The following CSTPP1 variants were observed in gnomAD, a reference collection of about 807,000 sequenced individuals.
CSTPP1 encodes the protein UPF0705 protein C11orf49.
At chr11:47,032,823 G>A in the CSTPP1 span, among the ~76,000 whole-genome samples, 328 of 152,134 alleles carry the variant, frequency 2.2e-3, no homozygotes, top group African/African-American at 7.6e-3. Flanking sequence ...TACAGGTGCC[G>A]ACCTCTCCTC....
chr11:47,090,912 GC>G, the CSTPP1 span, among the ~76,000 whole-genome samples: 1 of 149,874 alleles, frequency 6.7e-6, no homozygotes, highest in Non-Finnish European at 1.5e-5. Flanking sequence ...GGTGGCGGGC[GC>G]CTGTGGTCCC....
the CSTPP1 span, among the ~76,000 whole-genome samples, chr11:47,036,263 A>T: frequency 5.6e-4 from 18 of 32,402 alleles, 1 homozygote; most frequent in African/African-American, 2.1e-3. Context: ...ATATTATATA[A>T]TATATATATT....
chr11:47,073,978 CA>C, the CSTPP1 span, among the ~76,000 whole-genome samples: 1 of 152,184 alleles, frequency 6.6e-6, no homozygotes, highest in Admixed American at 6.5e-5. Flanking sequence ...TCAAGTCAAA[CA>C]GTGGCTTTTC....
At chr11:47,148,403 T>C in the CSTPP1 span, among the ~76,000 whole-genome samples, 1 of 150,680 alleles carries the variant, frequency 6.6e-6, no homozygotes, top group Admixed American at 6.6e-5. Flanking sequence ...CGGACACCCT[T>C]CAGCCACCCC....
At chr11:46,943,056 C>T in the CSTPP1 span, among the ~76,000 whole-genome samples, 1 of 152,306 alleles carries the variant, frequency 6.6e-6, no homozygotes, top group East Asian at 1.9e-4. Flanking sequence ...AACCTTCTAT[C>T]ATTGTCTACC....
chr11:47,161,587 G>A, the CSTPP1 span: 2 of 1,613,960 alleles, frequency 1.2e-6, no homozygotes, highest in Non-Finnish European at 1.7e-6. Context: ...CCCGAAAAGT[G>A]GATGGAGAGA....
At chr11:47,046,297 A>C in the CSTPP1 span, among the ~76,000 whole-genome samples, 19 of 151,826 alleles carry the variant, frequency 1.3e-4, no homozygotes, top group Admixed American at 8.5e-4. Flanking sequence ...AAAAAAAAAA[A>C]AAACTTCTAG....
At chr11:46,991,082 G>A in the CSTPP1 span, among the ~76,000 whole-genome samples, 1 of 151,938 alleles carries the variant, frequency 6.6e-6, no homozygotes, top group Non-Finnish European at 1.5e-5. Context: ...ATAATCGTTT[G>A]GATTCTCTTT....
At chr11:47,035,099 A>G in the CSTPP1 span, among the ~76,000 whole-genome samples, 1 of 152,202 alleles carries the variant, frequency 6.6e-6, no homozygotes, top group African/African-American at 2.4e-5. Context: ...TATTTCACCA[A>G]AAGTGCAATG....
At chr11:47,150,770 T>G in the CSTPP1 span, among the ~76,000 whole-genome samples, 1 of 142,294 alleles carries the variant, frequency 7.0e-6, no homozygotes, top group Non-Finnish European at 1.5e-5. Context: ...GAAGGACTAG[T>G]GTGGCCAGAA....
At chr11:47,137,172 T>A in the CSTPP1 span, 13 of 833,912 alleles carry the variant, frequency 1.6e-5, no homozygotes, top group African/African-American at 2.3e-4. Flanking sequence ...TATGCTGTAC[T>A]CTTCTCCCTA....
the CSTPP1 span, among the ~76,000 whole-genome samples, chr11:47,106,841 C>A: frequency 6.6e-6 from 1 of 152,126 alleles, no homozygotes; most frequent in Admixed American, 6.5e-5. Context: ...CTTTCCCAGG[C>A]CTGTGGCTGT....
chr11:46,991,999 C>T, the CSTPP1 span, among the ~76,000 whole-genome samples: 1 of 152,126 alleles, frequency 6.6e-6, no homozygotes, highest in Non-Finnish European at 1.5e-5. Context: ...CCTTGGCATC[C>T]CAAAGTGTTG....
the CSTPP1 span, among the ~76,000 whole-genome samples, chr11:46,998,455 A>G: frequency 6.6e-6 from 1 of 152,220 alleles, no homozygotes; most frequent in Admixed American, 6.5e-5. Flanking sequence ...AATTTACATA[A>G]TATACGAGTG....
At chr11:47,055,816 T>G in the CSTPP1 span, among the ~76,000 whole-genome samples, 1 of 152,208 alleles carries the variant, frequency 6.6e-6, no homozygotes, top group African/African-American at 2.4e-5. Flanking sequence ...AAAGAAGTAC[T>G]TAGTGTACTG....
the CSTPP1 span, among the ~76,000 whole-genome samples, chr11:47,063,599 AT>A: frequency 2.6e-5 from 4 of 152,168 alleles, no homozygotes; most frequent in African/African-American, 9.7e-5. Flanking sequence ...TGTCTCACTT[AT>A]GTAACTTAGC....
chr11:47,010,416 G>A, the CSTPP1 span, among the ~76,000 whole-genome samples: 1 of 152,344 alleles, frequency 6.6e-6, no homozygotes, highest in East Asian at 1.9e-4. Flanking sequence ...AGAGACTGGA[G>A]TGGAAAGATG....
the CSTPP1 span, among the ~76,000 whole-genome samples, chr11:47,090,547 G>A: frequency 6.6e-6 from 1 of 152,116 alleles, no homozygotes; most frequent in East Asian, 1.9e-4. Context: ...GGGTCAGAGA[G>A]GTCCCTGGAA....
the CSTPP1 span, among the ~76,000 whole-genome samples, chr11:47,114,444 C>T: frequency 2.6e-5 from 4 of 151,640 alleles, no homozygotes; most frequent in East Asian, 1.9e-4. Flanking sequence ...TGGGCAGTAT[C>T]ACCATTTTCT....
Sources: gnomAD v4.1 joint callset for allele counts (sites outside exome capture counted in the v4.1 genomes callset) on GRCh38, gnomAD v4.1.1 for gene constraint, MANE v1.5 for transcripts, NCBI Gene and HGNC (gene_info 2026-07-23, HGNC 2026-07-21) for gene names.